The following GALNTL6 variants were observed in gnomAD, a reference collection of about 807,000 sequenced individuals.
The protein encoded by GALNTL6 is polypeptide N-acetylgalactosaminyltransferase-like 6.
In GALNTL6, 46 loss-of-function variants were observed where a neutral mutation model predicts 73.7. The ratio of observed to expected loss-of-function variants is 0.62; its 90% CI spans 0.49 to 0.80. GALNTL6 has a LOEUF of 0.80. GALNTL6 is among the 30% of genes least tolerant of loss of function. The pLI, the probability that GALNTL6 is intolerant of heterozygous loss-of-function variation, is 0.00. For synonymous variants in GALNTL6, 259 were observed against 263.7 expected (o/e 0.98, Z 0.17); for missense variants, 604 against 755.0 (o/e 0.80, Z 2.34).
intron 7 of GALNTL6, among the ~76,000 whole-genome samples, chr4:172,833,223 C>T (rs570006859): frequency 2.0e-5 from 3 of 152,270 alleles, no homozygotes; most frequent in South Asian, 4.1e-4. Context: ...ACAAGTTCTT[C>T]GGTAAGCCAA....
chr4:172,916,786 T>C (rs1747545582), intron 8 of GALNTL6, among the ~76,000 whole-genome samples: 1 of 152,180 alleles, frequency 6.6e-6, no homozygotes, highest in South Asian at 2.1e-4. Flanking sequence ...TGCTCATGAA[T>C]AGAAAGAAAC....
intron 5 of GALNTL6, among the ~76,000 whole-genome samples, chr4:172,399,939 C>T (rs920580676): frequency 4.5e-4 from 68 of 152,062 alleles, no homozygotes; most frequent in Non-Finnish European, 1.0e-4. Context: ...AAAAAGTTTG[C>T]TTCTCTCATC....
chr4:172,057,101 T>C (rs1295078989), intron 2 of GALNTL6, among the ~76,000 whole-genome samples: 2 of 152,168 alleles, frequency 1.3e-5, no homozygotes, highest in South Asian at 2.1e-4. Context: ...ATGTTACTTA[T>C]TAACTTTAAA....
At chr4:172,262,968 A>C (rs1738309380) in intron 3 of GALNTL6, among the ~76,000 whole-genome samples, 1 of 151,444 alleles carries the variant, frequency 6.6e-6, no homozygotes, top group Admixed American at 6.6e-5. Flanking sequence ...CTGGCTCGTA[A>C]GATTTCTGCT....
intron 5 of GALNTL6, among the ~76,000 whole-genome samples, chr4:172,362,470 T>C (rs1742405808): frequency 6.6e-6 from 1 of 152,140 alleles, no homozygotes; most frequent in South Asian, 2.1e-4. Flanking sequence ...TGGGGCATGC[T>C]TTTCTCATCG....
chr4:172,660,653 G>A (rs948520429), intron 5 of GALNTL6, among the ~76,000 whole-genome samples: 3 of 152,128 alleles, frequency 2.0e-5, no homozygotes, highest in African/African-American at 7.2e-5. Flanking sequence ...TCATGTGAAG[G>A]AAACAGACAG....
intron 2 of GALNTL6, among the ~76,000 whole-genome samples, chr4:171,840,134 C>T (rs1236641589): frequency 1.3e-5 from 2 of 152,114 alleles, no homozygotes; most frequent in East Asian, 1.9e-4. Flanking sequence ...ACAAAGTCAC[C>T]GGCTCGCTGG....
intron 2 of GALNTL6, among the ~76,000 whole-genome samples, chr4:171,992,884 A>G (rs1038153077): frequency 6.6e-6 from 1 of 152,010 alleles, no homozygotes; most frequent in Non-Finnish European, 1.5e-5. Context: ...GGTGAAGGCA[A>G]TCTCATACTA....
intron 12 of GALNTL6, among the ~76,000 whole-genome samples, chr4:173,035,246 T>G (rs1289112538): frequency 6.6e-6 from 1 of 151,146 alleles, no homozygotes; most frequent in Non-Finnish European, 1.5e-5. Context: ...TGGCGCAATC[T>G]CGGCTCACCG....
chr4:172,445,887 C>T (rs185309509), intron 5 of GALNTL6, among the ~76,000 whole-genome samples: 360 of 152,184 alleles, frequency 2.4e-3, no homozygotes, highest in Admixed American at 3.6e-3. Context: ...TAAATGCATG[C>T]TTAGTACTAT....
rs557576757 is a variant in GALNTL6 at position 172,313,413 on chromosome 4, T to C, written c.386+1661T>C. 4.6e-5 allele frequency among the ~76,000 whole-genome samples: 7 copies of C among 152,190 alleles called. No homozygotes were observed. The Middle Eastern group carries it at 0.014, about 296-fold the overall frequency. On this transcript the variant is annotated intron_variant, in intron 4 of 12. Coordinates refer to ENST00000506823, the MANE Select transcript of GALNTL6 (RefSeq NM_001034845.3). ...GCTGGGATTACAGGCTGAGCCACCG[T>C]GCCCGGTCCCCACCCCAACACTTCT... is the stretch of plus-strand genomic sequence containing the variant.
chr4:171,920,272 T>A (rs535696829), intron 2 of GALNTL6, among the ~76,000 whole-genome samples: 6 of 152,088 alleles, frequency 3.9e-5, no homozygotes, highest in African/African-American at 1.4e-4. Flanking sequence ...GAGATATACC[T>A]AATGTTAAAT....
chr4:171,943,892 C>G, intron 2 of GALNTL6, among the ~76,000 whole-genome samples: 1 of 144,350 alleles, frequency 6.9e-6, no homozygotes, highest in East Asian at 2.0e-4. Flanking sequence ...AGTTAAGAGA[C>G]TAGAATGCAA....
At chr4:171,889,178 T>C (rs1301628956) in intron 2 of GALNTL6, among the ~76,000 whole-genome samples, 1 of 152,082 alleles carries the variant, frequency 6.6e-6, no homozygotes, top group Non-Finnish European at 1.5e-5. Flanking sequence ...GTCTTTGACA[T>C]AATAGGAGGC....
chr4:172,650,882 T>C (rs1469573409), intron 5 of GALNTL6, among the ~76,000 whole-genome samples: 1 of 152,218 alleles, frequency 6.6e-6, no homozygotes, highest in African/African-American at 2.4e-5. Flanking sequence ...AAAGTTTTCC[T>C]AAAGACTACA....
chr4:171,845,623 C>T (rs140429057), intron 2 of GALNTL6, among the ~76,000 whole-genome samples: 4 of 152,024 alleles, frequency 2.6e-5, no homozygotes, highest in African/African-American at 9.7e-5. Flanking sequence ...TCTCTACAAC[C>T]GATTTTTCCC....
intron 5 of GALNTL6, among the ~76,000 whole-genome samples, chr4:172,530,266 T>G (rs1735124443): frequency 6.6e-6 from 1 of 152,168 alleles, no homozygotes; most frequent in Non-Finnish European, 1.5e-5. Context: ...AAATTAATTT[T>G]TAAACACTCA....
At chr4:172,725,975 A>T (rs1021243456) in intron 5 of GALNTL6, among the ~76,000 whole-genome samples, 4 of 152,254 alleles carry the variant, frequency 2.6e-5, no homozygotes, top group Non-Finnish European at 5.9e-5. Flanking sequence ...GGAATGTTGT[A>T]GAAGTTTCAA....
chr4:172,339,634 T>C (rs746129788), intron 4 of GALNTL6, among the ~76,000 whole-genome samples: 2 of 152,144 alleles, frequency 1.3e-5, no homozygotes, highest in Non-Finnish European at 1.5e-5. Flanking sequence ...ATGCTGCAAC[T>C]TTTCCCAATG....
Sources: allele counts gnomAD v4.1 joint callset (sites outside exome capture counted in the v4.1 genomes callset), GRCh38; gene constraint gnomAD v4.1.1; transcripts MANE v1.5; gene names NCBI Gene and HGNC (gene_info 2026-07-23, HGNC 2026-07-21).